Variants in MIPEP observed in about 807,000 individuals in gnomAD.
MIPEP encodes the protein mitochondrial intermediate peptidase.
A neutral mutation model predicts 90.3 loss-of-function variants in MIPEP; 79 were observed. The observed-to-expected ratio is 0.87, with a 90% CI of 0.73 to 1.05. MIPEP has a LOEUF of 1.05. Among genes scored for constraint, MIPEP ranks in the 50% least tolerant of loss-of-function variants. MIPEP has a pLI of 0.00. For missense variants in MIPEP, 940 were observed against 905.6 expected, an observed-to-expected ratio of 1.04 and a Z score of -0.49; for synonymous variants, 334 against 315.8, an observed-to-expected ratio of 1.06 and a Z score of -0.61.
intron 16 of MIPEP, among the ~76,000 whole-genome samples, chr13:23,805,082 A>G (rs1953092500): frequency 6.6e-6 from 1 of 151,930 alleles, no homozygotes; most frequent in Admixed American, 6.6e-5. Context: ...ACACCCCTAT[A>G]CCCCTGCACC....
chr13:23,850,273 A>C (rs1869743055), intron 10 of MIPEP, among the ~76,000 whole-genome samples: 1 of 152,222 alleles, frequency 6.6e-6, no homozygotes, highest in Admixed American at 6.5e-5. Flanking sequence ...GACATTTTGA[A>C]ATGCTGCCTT....
chr13:23,822,828 G>C (rs1953323759), intron 14 of MIPEP, among the ~76,000 whole-genome samples: 1 of 150,668 alleles, frequency 6.6e-6, no homozygotes, highest in Admixed American at 6.6e-5. Context: ...TGGATTGTAA[G>C]AACAGTAATT....
intron 18 of MIPEP, among the ~76,000 whole-genome samples, chr13:23,733,472 CA>C (rs1337050712): frequency 6.6e-6 from 1 of 152,108 alleles, no homozygotes; most frequent in Non-Finnish European, 1.5e-5. Flanking sequence ...GGCTGGAATC[CA>C]GGAGGAGCAG....
intron 10 of MIPEP, among the ~76,000 whole-genome samples, chr13:23,844,428 C>T (rs1353590898): frequency 6.6e-6 from 1 of 152,118 alleles, no homozygotes. Flanking sequence ...TTAGATTCAG[C>T]AGAGAATCAA....
Position 23,836,284 on chromosome 13 carries a change from A to G in MIPEP, c.1609T>C (p.Tyr537His), listed in dbSNP as rs746923373. ...CTGGCAAATTGGTTAACTACTCGAT[A>G]ATCATTTGCAAAGTACTCCATCAGA... ...SILMEYFAND[Y>H]RVVNQFARHY... The change falls in exon 14 of 19, where the codon TAT (tyrosine) becomes CAT (histidine). Residue 537 changes from tyrosine to histidine, a missense_variant. Tyr to His is a moderately conservative substitution (Grantham distance 83). Transcript: ENST00000382172. 1.9e-6 allele frequency: 3 copies of G among 1,607,326 alleles called. No individual in the cohort carries two copies. Among genetic ancestry groups the G allele is most frequent in the Non-Finnish European group, 1.7e-6 (2 of 1,177,296 alleles).
intron 16 of MIPEP, among the ~76,000 whole-genome samples, chr13:23,799,843 T>C (rs1295832056): frequency 5.9e-5 from 9 of 152,266 alleles, no homozygotes; most frequent in Non-Finnish European, 1.0e-4. Flanking sequence ...TTTTTCATTC[T>C]AGCTTTGAAC....
At chr13:23,871,152 T>C (rs745397575) in intron 5 of MIPEP, among the ~76,000 whole-genome samples, 35 of 152,238 alleles carry the variant, frequency 2.3e-4, no homozygotes, top group Non-Finnish European at 4.0e-4. Flanking sequence ...GTCCCTGCCA[T>C]GTGGCACATG....
At chr13:23,823,831 C>G (rs929135202) in intron 14 of MIPEP, among the ~76,000 whole-genome samples, 10 of 152,184 alleles carry the variant, frequency 6.6e-5, no homozygotes, top group Non-Finnish European at 1.2e-4. Context: ...CTGTCCCTCT[C>G]TCACCAAAAA....
intron 10 of MIPEP, among the ~76,000 whole-genome samples, chr13:23,857,375 T>C (rs1870090207): frequency 6.6e-6 from 1 of 152,144 alleles, no homozygotes; most frequent in South Asian, 2.1e-4. Context: ...CTAACCAACC[T>C]GGGCAACACA....
Position 23,889,232 on chromosome 13 carries a change from C to T in MIPEP, c.89G>A (p.Gly30Glu), listed in dbSNP as rs1871685449. ...RRAGRGSLEA[G>E]IRARRVSTSW... ...GGTGCTGACCCTTCGGGCCCGGATC[C>T]CGGCTTCGAGGCTTCCCCGGCCCGC... The change falls in exon 1 of 19, where the codon GGG becomes GAG. Residue 30 changes from glycine (G) to glutamate (E), a missense_variant. Coordinates refer to ENST00000382172, the MANE Select transcript of MIPEP (RefSeq NM_005932.4). 1 of 1,411,498 alleles carries T rather than the reference C, an allele frequency of 7.1e-7. No homozygotes were observed. Among genetic ancestry groups the T allele is most frequent in the African/African-American group, 1.5e-5 (1 of 65,710 alleles). The allele number at this position is 1,411,498 out of a possible 1,614,324, so 87.4% of individuals were successfully genotyped here.
chr13:23,793,217 G>C (rs1306669856), intron 16 of MIPEP, among the ~76,000 whole-genome samples: 1 of 152,106 alleles, frequency 6.6e-6, no homozygotes, highest in Non-Finnish European at 1.5e-5. Flanking sequence ...AATAAGTTGT[G>C]GCATACTGGA....
At chr13:23,877,856 C>T (rs1871131926) in intron 4 of MIPEP, among the ~76,000 whole-genome samples, 3 of 152,166 alleles carry the variant, frequency 2.0e-5, no homozygotes, top group Admixed American at 2.0e-4. Context: ...ATAATTATTA[C>T]TTCAAATTCT....
chr13:23,882,510 T>C (rs1399837325), intron 2 of MIPEP, among the ~76,000 whole-genome samples: 1 of 152,224 alleles, frequency 6.6e-6, no homozygotes, highest in Non-Finnish European at 1.5e-5. Context: ...CATGTAATAC[T>C]GTATACAGCT....
At chr13:23,806,400 A>G (rs9507164) in intron 15 of MIPEP, among the ~76,000 whole-genome samples, 56,873 of 152,078 alleles carry the variant, frequency 0.37, 11,776 homozygotes, top group African/African-American at 0.56. Context: ...ACGGAAGGCC[A>G]GGCGCGGTGG....
chr13:23,823,231 C>T (rs1953330214), intron 14 of MIPEP, among the ~76,000 whole-genome samples: 1 of 152,150 alleles, frequency 6.6e-6, no homozygotes, highest in Non-Finnish European at 1.5e-5. Flanking sequence ...AGGCATCCTG[C>T]TGTTGCTACT....
chr13:23,812,611 C>T (rs1350784699), intron 14 of MIPEP, among the ~76,000 whole-genome samples: 1 of 152,082 alleles, frequency 6.6e-6, no homozygotes, highest in Admixed American at 6.6e-5. Flanking sequence ...CCTCACTCTC[C>T]CCGTCCCTCG....
At chr13:23,821,465 G>A (rs977938017) in intron 14 of MIPEP, among the ~76,000 whole-genome samples, 1 of 152,166 alleles carries the variant, frequency 6.6e-6, no homozygotes, top group Non-Finnish European at 1.5e-5. Flanking sequence ...CTGTGCTTAC[G>A]AAATGGGCTG....
chr13:23,831,387 G>GGGGA (rs1566009676), intron 14 of MIPEP, among the ~76,000 whole-genome samples: 1 of 140,230 alleles, frequency 7.1e-6, no homozygotes, highest in African/African-American at 2.6e-5. Context: ...CCATGGCGGG[G>GGGGA]GGGGGATGTG....
Position 23,774,987 on chromosome 13 carries a change from G to C in MIPEP, c.1849-14770C>G, listed in dbSNP as rs58099550. Among the ~76,000 whole-genome samples, 457 of 151,448 alleles carry C rather than the reference G, an allele frequency of 3.0e-3. 3 individuals are homozygous for C. Among genetic ancestry groups the C allele is most frequent in the African/African-American group, 9.9e-3 (407 of 41,296 alleles). The stretch of plus-strand genomic sequence containing the variant: ...TTTTTTGTATTTTTAGTAGAGACAG[G>C]GGGGTTTTGCCATGTTGACCAGGCT... On this transcript the variant is annotated intron_variant, in intron 16 of 18. Coordinates refer to ENST00000382172, the MANE Select transcript of MIPEP (RefSeq NM_005932.4).
Sources: allele counts gnomAD v4.1 joint callset (sites outside exome capture counted in the v4.1 genomes callset), GRCh38; gene constraint gnomAD v4.1.1; transcripts MANE v1.5; gene names NCBI Gene and HGNC (gene_info 2026-07-23, HGNC 2026-07-21).